UNC5D: variants seen among roughly 807,000 people sequenced by gnomAD.
UNC5D encodes the protein unc-5 netrin receptor D, also known as netrin receptor UNC5D.
A neutral mutation model predicts 105.4 loss-of-function variants in UNC5D; 39 were observed. That is an observed-to-expected ratio of 0.37 (90% CI 0.29 to 0.48). UNC5D has a LOEUF of 0.48. UNC5D is among the 20% of genes least tolerant of loss of function. The pLI is 0.98. For synonymous variants in UNC5D, 452 were observed against 450.4 expected (o/e 1.00, Z -0.04); for missense variants, 991 against 1,202.4 (o/e 0.82, Z 2.60).
At chr8:35,630,739 G>T (rs1821989180) in intron 4 of UNC5D, among the ~76,000 whole-genome samples, 1 of 152,086 alleles carries the variant, frequency 6.6e-6, no homozygotes, top group Admixed American at 6.6e-5. Flanking sequence ...ATCTACTTTG[G>T]CTAACTGGTT....
At chr8:35,306,213 A>ATG (rs766977962) in intron 1 of UNC5D, among the ~76,000 whole-genome samples, 21 of 150,806 alleles carry the variant, frequency 1.4e-4, no homozygotes, top group East Asian at 9.7e-4. Context: ...GGAATCGGCG[A>ATG]TGTGTGTGTG....
rs749806606 is a variant in UNC5D, at chr8:35,766,917, C to G, written c.2329C>G (p.Arg777Gly). ...TCCCCTGCAGGAAGTCCCGTTCTCC[C>G]GCGTGTGGTGCAGTAACCGGCAGCC... is the stretch of plus-strand genomic sequence containing the variant. The part of the protein sequence containing the change: ...FTACQEVPFS[R>G]VWCSNRQPLH... Residue 777 changes from arginine to glycine, a missense_variant, in exon 15 of 17, where the codon CGC (arginine) becomes GGC (glycine). Around this residue, in one of 3 missense-constraint regions of UNC5D, gnomAD observed 944 missense variants for 1,131.6 expected, o/e 0.83. Transcript: ENST00000404895. 1 of 1,613,004 alleles carries G rather than the reference C, an allele frequency of 6.2e-7. No individual in the cohort carries two copies. The highest frequency in any genetic ancestry group is 1.7e-5 in the Admixed American group (1 of 59,892).
chr8:35,368,893 C>G (rs2128923592), intron 1 of UNC5D, among the ~76,000 whole-genome samples: 1 of 152,194 alleles, frequency 6.6e-6, no homozygotes, highest in Non-Finnish European at 1.5e-5. Context: ...AAGAACAGAG[C>G]CTTCACCAGC....
intron 1 of UNC5D, among the ~76,000 whole-genome samples, chr8:35,351,297 T>C (rs994246859): frequency 2.0e-5 from 3 of 152,066 alleles, no homozygotes; most frequent in Non-Finnish European, 4.4e-5. Context: ...CTCATAGACC[T>C]TTAAAACTAT....
chr8:35,488,594 G>T (rs1429061714), intron 1 of UNC5D, among the ~76,000 whole-genome samples: 5 of 152,172 alleles, frequency 3.3e-5, no homozygotes, highest in Non-Finnish European at 5.9e-5. Flanking sequence ...TTGCCACCTG[G>T]TGGCCCTGAG....
chr8:35,517,150 C>T (rs906725072), intron 1 of UNC5D, among the ~76,000 whole-genome samples: 3 of 152,140 alleles, frequency 2.0e-5, no homozygotes, highest in African/African-American at 7.2e-5. Context: ...CAAGATCCTC[C>T]CTTTAGGCCT....
intron 1 of UNC5D, among the ~76,000 whole-genome samples, chr8:35,469,167 G>C (rs1276682978): frequency 6.6e-6 from 1 of 152,184 alleles, no homozygotes; most frequent in Admixed American, 6.6e-5. Context: ...TCAGACCTGT[G>C]TAGGTAAAAA....
chr8:35,557,864 G>T (rs1162987528), intron 2 of UNC5D, among the ~76,000 whole-genome samples: 2 of 152,062 alleles, frequency 1.3e-5, no homozygotes, highest in African/African-American at 4.8e-5. Context: ...GGGCACAGTG[G>T]CTCACGCATG....
chr8:35,574,966 A>G (rs1817992934), intron 3 of UNC5D, among the ~76,000 whole-genome samples: 1 of 151,940 alleles, frequency 6.6e-6, no homozygotes, highest in South Asian at 2.1e-4. Flanking sequence ...TGTTTCCTTC[A>G]CAAAACCTAG....
intron 7 of UNC5D, among the ~76,000 whole-genome samples, chr8:35,690,327 A>G (rs1586444610): frequency 6.6e-6 from 1 of 152,146 alleles, no homozygotes; most frequent in South Asian, 2.1e-4. Context: ...GTGACTACCT[A>G]TATCAACAAA....
chr8:35,496,872 G>A (rs960719345), intron 1 of UNC5D, among the ~76,000 whole-genome samples: 2 of 151,982 alleles, frequency 1.3e-5, no homozygotes, highest in African/African-American at 4.8e-5. Flanking sequence ...ATCATACATG[G>A]TTTTTTTAAA....
At chr8:35,643,143 T>C (rs1339963670) in intron 4 of UNC5D, among the ~76,000 whole-genome samples, 2 of 152,160 alleles carry the variant, frequency 1.3e-5, no homozygotes, top group African/African-American at 4.8e-5. Flanking sequence ...GTGGGGGGGC[T>C]GTCCTGTGCA....
rs1348831213 is a variant in UNC5D, at chr8:35,525,227, C to T, written c.104-24065C>T. The T allele has an allele frequency of 4.3e-6, 7 of 1,611,626 alleles. No homozygotes were observed. In the Admixed American group the frequency reaches 8.3e-5, roughly 19 times the overall value. ...GTGGTTGCTGGGCTTGTGAACGTTGCAGTATCTTTTGGCTTTCCACGTCTC... is the reference window on the plus strand; with the variant it reads ...GTGGTTGCTGGGCTTGTGAACGTTGTAGTATCTTTTGGCTTTCCACGTCTC... On this transcript the variant is annotated intron_variant, in intron 1 of 16. Coordinates refer to ENST00000404895, the MANE Select transcript of UNC5D (RefSeq NM_080872.4).
intron 1 of UNC5D, among the ~76,000 whole-genome samples, chr8:35,494,303 T>A (rs1238152129): frequency 6.6e-6 from 1 of 152,178 alleles, no homozygotes; most frequent in Non-Finnish European, 1.5e-5. Context: ...TGTTTCTAAA[T>A]AACATGAAAT....
At chr8:35,362,941 C>T (rs1801931049) in intron 1 of UNC5D, among the ~76,000 whole-genome samples, 1 of 152,106 alleles carries the variant, frequency 6.6e-6, no homozygotes, top group South Asian at 2.1e-4. Flanking sequence ...CATAAATCCA[C>T]AAATCGTATT....
chr8:35,314,141 A>C (rs1029140796), intron 1 of UNC5D, among the ~76,000 whole-genome samples: 1 of 152,310 alleles, frequency 6.6e-6, no homozygotes, highest in Admixed American at 6.5e-5. Context: ...AGTGGTCACT[A>C]ACCATCCTGA....
chr8:35,519,161 G>C (rs1813296425), intron 1 of UNC5D, among the ~76,000 whole-genome samples: 1 of 151,838 alleles, frequency 6.6e-6, no homozygotes, highest in Admixed American at 6.6e-5. Context: ...TCCTCTTTTA[G>C]GTCATTTGTA....
intron 9 of UNC5D, chr8:35,724,395 C>T: frequency 2.4e-6 from 3 of 1,268,696 alleles, no homozygotes; most frequent in South Asian, 1.6e-5. Flanking sequence ...TTGAGCAATA[C>T]ATCCAGTGCC....
intron 1 of UNC5D, among the ~76,000 whole-genome samples, chr8:35,309,083 C>T (rs1411904925): frequency 1.3e-5 from 2 of 152,110 alleles, no homozygotes; most frequent in Non-Finnish European, 2.9e-5. Context: ...GGCTGAGGGT[C>T]GATCCCTAAT....
Sources: allele counts gnomAD v4.1 joint callset (sites outside exome capture counted in the v4.1 genomes callset), GRCh38; gene constraint gnomAD v4.1.1; regional missense constraint gnomAD v4.1.1; transcripts MANE v1.5; gene names NCBI Gene and HGNC (gene_info 2026-07-23, HGNC 2026-07-21).